The following USP25 variants were observed in gnomAD, a reference collection of about 807,000 sequenced individuals.
The protein encoded by USP25 is ubiquitin specific peptidase 25.
A neutral mutation model predicts 158.5 loss-of-function variants in USP25; 85 were observed. The ratio of observed to expected loss-of-function variants is 0.54; its 90% CI spans 0.45 to 0.64. The LOEUF (loss-of-function observed/expected upper bound fraction) is 0.64, where lower values mean the gene tolerates loss of function less well. Among genes scored for constraint, USP25 ranks in the 30% least tolerant of loss-of-function variants. The pLI is 0.00. For missense variants in USP25, 1,242 were observed against 1,327.3 expected, an observed-to-expected ratio of 0.94 and a Z score of 1.00; for synonymous variants, 464 against 460.4, an observed-to-expected ratio of 1.01 and a Z score of -0.10.
intron 5 of USP25, among the ~76,000 whole-genome samples, chr21:15,793,175 C>CA (rs1342247573): frequency 4.6e-5 from 7 of 151,570 alleles, no homozygotes; most frequent in African/African-American, 1.7e-4. Context: ...ATGGCAAATA[C>CA]ATGAGGGTCA....
At chr21:15,863,315 G>A (rs951365281) in intron 20 of USP25, among the ~76,000 whole-genome samples, 2 of 151,704 alleles carry the variant, frequency 1.3e-5, no homozygotes, top group Non-Finnish European at 2.9e-5. Flanking sequence ...AAACCTTAAG[G>A]TAATAATAGT....
intron 4 of USP25, among the ~76,000 whole-genome samples, chr21:15,782,477 C>T (rs2035020880): frequency 6.6e-6 from 1 of 152,212 alleles, no homozygotes; most frequent in South Asian, 2.1e-4. Context: ...CCAGCAGTAA[C>T]CCTGCTGCCA....
At chr21:15,837,535 G>T (rs1212174178) in intron 17 of USP25, among the ~76,000 whole-genome samples, 1 of 152,194 alleles carries the variant, frequency 6.6e-6, no homozygotes, top group Non-Finnish European at 1.5e-5. Context: ...CTATCTTAAA[G>T]AGATCTTCAG....
chr21:15,750,142 A>G (rs992982493), intron 1 of USP25, among the ~76,000 whole-genome samples: 5 of 150,512 alleles, frequency 3.3e-5, no homozygotes, highest in African/African-American at 4.9e-5. Context: ...CCAATGGCCA[A>G]TGATTTAATC....
At chr21:15,792,799 T>C (rs2035661484) in intron 5 of USP25, among the ~76,000 whole-genome samples, 1 of 151,708 alleles carries the variant, frequency 6.6e-6, no homozygotes, top group African/African-American at 2.4e-5. Context: ...CCTCACTTTT[T>C]AATATGCTGT....
chr21:15,849,983 A>T (rs969703731), intron 20 of USP25, 111 bp downstream of exon 20: 1 of 788,924 alleles, frequency 1.3e-6, no homozygotes, highest in African/African-American at 1.8e-5. Flanking sequence ...CTCTTTTCCT[A>T]TCTTAGTTAT....
intron 8 of USP25, among the ~76,000 whole-genome samples, chr21:15,809,570 C>T (rs1335429576): frequency 6.6e-6 from 1 of 152,054 alleles, no homozygotes; most frequent in African/African-American, 2.4e-5. Flanking sequence ...AATGGTACAG[C>T]CACTGTGGAA....
At chr21:15,862,072 T>G (rs1378879657) in intron 20 of USP25, among the ~76,000 whole-genome samples, 1 of 152,128 alleles carries the variant, frequency 6.6e-6, no homozygotes, top group East Asian at 1.9e-4. Flanking sequence ...AGGGGAATGA[T>G]GACCATTTAG....
rs1476576641 is a variant in USP25, at chr21:15,878,450, G to T, written c.3353G>T (p.Ser1118Ile). ...ERFARIMLSL[S>I]RTPADGR ...TTTGCCCGAATCATGTTGTCCCTCA[G>T]TCGAACTCCTGCTGATGGAAGATAA... The change falls in exon 26 of 26, where the codon AGT (serine) becomes ATT (isoleucine). Residue 1118 changes from serine to isoleucine, a missense_variant. Physicochemically the swap from Ser to Ile is moderately radical, Grantham distance 142. Around this residue, in one of 3 missense-constraint regions of USP25, gnomAD observed 608 missense variants for 605.2 expected, o/e 1.00. Coordinates refer to ENST00000400183, the MANE Select transcript of USP25 (RefSeq NM_001283041.3). 1 of 1,613,952 alleles carries T rather than the reference G, an allele frequency of 6.2e-7. No individual in the cohort carries two copies. Among genetic ancestry groups the T allele is most frequent in the Admixed American group, 1.7e-5 (1 of 60,002 alleles).
At chr21:15,791,473 T>C (rs763755909) in intron 4 of USP25, 29 bp from the exon 5 acceptor site, 1 of 1,588,858 alleles carries the variant, frequency 6.3e-7, no homozygotes, top group South Asian at 1.2e-5. Context: ...CATTATATAA[T>C]GCTGCATTTT....
At chr21:15,741,009 C>T (rs2031998881) in intron 1 of USP25, among the ~76,000 whole-genome samples, 1 of 152,048 alleles carries the variant, frequency 6.6e-6, no homozygotes, top group Non-Finnish European at 1.5e-5. Context: ...AAAATTTGTC[C>T]TGTATCACCT....
intron 4 of USP25, among the ~76,000 whole-genome samples, chr21:15,780,270 C>T (rs80041456): frequency 0.024 from 3,698 of 152,202 alleles, 151 homozygotes; most frequent in African/African-American, 0.081. Context: ...TGTCTTTTTA[C>T]GTCTTAGAAT....
At chr21:15,741,716 A>G (rs1421220710) in intron 1 of USP25, among the ~76,000 whole-genome samples, 1 of 152,196 alleles carries the variant, frequency 6.6e-6, no homozygotes, top group Non-Finnish European at 1.5e-5. Context: ...GCATTCTTCC[A>G]AGTCTTAAAA....
At chr21:15,824,245 A>G (rs1021369100) in intron 11 of USP25, 79 bp downstream of exon 11, 1 of 1,527,552 alleles carries the variant, frequency 6.5e-7, no homozygotes, top group South Asian at 1.2e-5. Context: ...AAAATTCTGC[A>G]TAATTTTCTT....
intron 25 of USP25, 133 bp from the exon 26 acceptor site, chr21:15,878,170 C>T: frequency 8.1e-7 from 1 of 1,228,350 alleles, no homozygotes; most frequent in Non-Finnish European, 1.1e-6. Flanking sequence ...ATTGCAGTTG[C>T]CATTTATGTT....
intron 19 of USP25, among the ~76,000 whole-genome samples, chr21:15,848,505 T>C (rs2146476897): frequency 6.6e-6 from 1 of 152,082 alleles, no homozygotes; most frequent in South Asian, 2.1e-4. Flanking sequence ...TAAAGCTGTT[T>C]TTGAACAGGA....
In USP25 at chr21:15,746,477, C is replaced by T. The variant is rs1472484577; in HGVS notation, c.45+16039C>T. On this transcript the variant is annotated intron_variant, in intron 1 of 25. Coordinates refer to ENST00000400183, the MANE Select transcript of USP25 (RefSeq NM_001283041.3). ...GACGCAGTCTCACTTTCACTGCAAC[C>T]GCCGCCTCCCAGGTTCAAGCGATTC... is the stretch of plus-strand genomic sequence containing the variant. Among the ~76,000 whole-genome samples, 13 of 152,060 alleles carry T rather than the reference C, an allele frequency of 8.5e-5. No individual in the cohort carries two copies. In the East Asian group the frequency reaches 1.2e-3, roughly 14 times the overall value.
At chr21:15,769,497 A>G (rs552810965) in intron 3 of USP25, among the ~76,000 whole-genome samples, 1 of 152,290 alleles carries the variant, frequency 6.6e-6, no homozygotes, top group African/African-American at 2.4e-5. Context: ...CAAATATTAT[A>G]GATTGTCAAA....
intron 1 of USP25, among the ~76,000 whole-genome samples, chr21:15,752,287 C>T (rs527662462): frequency 7.9e-5 from 12 of 151,510 alleles, no homozygotes; most frequent in African/African-American, 2.9e-4. Flanking sequence ...GTGATCTCGA[C>T]TCACTGCAAC....
Sources: gnomAD v4.1 joint callset for allele counts (sites outside exome capture counted in the v4.1 genomes callset) on GRCh38, gnomAD v4.1.1 for gene constraint, gnomAD v4.1.1 regional missense constraint, MANE v1.5 for transcripts, NCBI Gene and HGNC (gene_info 2026-07-23, HGNC 2026-07-21) for gene names.